CADPS: variants seen among roughly 807,000 people sequenced by gnomAD.
The protein encoded by CADPS is calcium-dependent secretion activator 1.
Under a neutral mutation model 167.3 loss-of-function variants are expected in CADPS, and 57 were observed. That is an observed-to-expected ratio of 0.34 (90% CI 0.28 to 0.42). The LOEUF (loss-of-function observed/expected upper bound fraction) is 0.42. CADPS is among the 20% of genes least tolerant of loss of function. CADPS has a pLI of 1.00. For synonymous variants in CADPS, 676 were observed against 635.3 expected, an observed-to-expected ratio of 1.06 and a Z score of -0.96; for missense variants, 1,414 against 1,738.1, an observed-to-expected ratio of 0.81 and a Z score of 3.32.
intron 28 of CADPS, among the ~76,000 whole-genome samples, chr3:62,418,487 A>ATT (rs5849477): frequency 8.7e-4 from 77 of 88,844 alleles, no homozygotes; most frequent in East Asian, 2.3e-3. Context: ...ACCATGCCCT[A>ATT]TTTTTTTTTT....
intron 1 of CADPS, among the ~76,000 whole-genome samples, chr3:62,836,968 G>T (rs1183175364): frequency 3.3e-5 from 5 of 152,110 alleles, no homozygotes; most frequent in Non-Finnish European, 7.3e-5. Flanking sequence ...TGCCTTGCTT[G>T]CTCAGCCTGA....
At chr3:62,723,279 T>G (rs2076143682) in intron 3 of CADPS, among the ~76,000 whole-genome samples, 1 of 152,164 alleles carries the variant, frequency 6.6e-6, no homozygotes, top group South Asian at 2.1e-4. Flanking sequence ...GTTGTAGGTC[T>G]CCGATGAACG....
At chr3:62,620,232 A>T (rs1168995023) in intron 6 of CADPS, among the ~76,000 whole-genome samples, 1 of 151,950 alleles carries the variant, frequency 6.6e-6, no homozygotes, top group Non-Finnish European at 1.5e-5. Context: ...TCATTTAGGG[A>T]TCTCTTCCAG....
At chr3:62,652,267 C>T (rs2070350922) in intron 4 of CADPS, among the ~76,000 whole-genome samples, 2 of 151,910 alleles carry the variant, frequency 1.3e-5, no homozygotes, top group Admixed American at 1.3e-4. Context: ...ATATTACTGG[C>T]CAATTTCTAT....
intron 6 of CADPS, among the ~76,000 whole-genome samples, chr3:62,640,118 A>C (rs561975860): frequency 9.8e-5 from 15 of 152,342 alleles, no homozygotes; most frequent in African/African-American, 3.6e-4. Flanking sequence ...TAAGGAAAGC[A>C]TCCTGTGTAC....
chr3:62,403,027 GAAAT>G lies in CADPS; in HGVS notation c.3882+50_3882+53del. On this transcript the variant is annotated intron_variant, in intron 29 of 29. Transcript: ENST00000383710. The stretch of plus-strand genomic sequence containing the variant: ...TAAGCAAGCTTTGCAGCTTGCCAGT[GAAAT>G]ATATTTCAGTAAGCTATTTGCAAAG... 4 of 1,149,448 alleles carry G rather than the reference GAAAT, an allele frequency of 3.5e-6. No homozygotes were observed. The South Asian group carries it at 5.3e-5, about 15-fold the overall frequency. The allele number at this position is 1,149,448 out of a possible 1,614,324, so 71.2% of individuals were successfully genotyped here.
At chr3:62,570,584 T>C (rs577624923) in intron 9 of CADPS, among the ~76,000 whole-genome samples, 39 of 152,334 alleles carry the variant, frequency 2.6e-4, no homozygotes, top group African/African-American at 9.1e-4. Flanking sequence ...CTCCCCGACT[T>C]ATCTCACATA....
In CADPS at chr3:62,700,156, A is replaced by T. The variant is rs2367314; in HGVS notation, c.889-37762T>A. ...AGTGGCTTTCAAACTTTTTAGGCTAAGACCTATGGTAAGAAATATATCTTA... is the reference window on the plus strand; with the variant it reads ...AGTGGCTTTCAAACTTTTTAGGCTATGACCTATGGTAAGAAATATATCTTA... On this transcript the variant is annotated intron_variant, in intron 3 of 29. Coordinates refer to ENST00000383710, the MANE Select transcript of CADPS (RefSeq NM_003716.4). 5.3e-5 allele frequency among the ~76,000 whole-genome samples: 8 copies of T among 152,134 alleles called. No homozygotes were observed. The South Asian group carries it at 6.2e-4, about 12-fold the overall frequency.
intron 11 of CADPS, among the ~76,000 whole-genome samples, chr3:62,538,240 T>G (rs1374833521): frequency 6.6e-6 from 1 of 152,060 alleles, no homozygotes; most frequent in African/African-American, 2.4e-5. Context: ...AAACTACATT[T>G]CTTCTTTGAC....
chr3:62,600,603 A>G (rs1225756726), intron 6 of CADPS, among the ~76,000 whole-genome samples: 3 of 152,196 alleles, frequency 2.0e-5, no homozygotes, highest in Admixed American at 6.5e-5. Context: ...TCTATCTCCA[A>G]ATAGTGCTCC....
intron 8 of CADPS, among the ~76,000 whole-genome samples, chr3:62,572,282 G>A (rs1358951395): frequency 1.3e-5 from 2 of 152,030 alleles, no homozygotes; most frequent in Non-Finnish European, 2.9e-5. Flanking sequence ...TTCCTCAGTC[G>A]CCAAGTGCAG....
chr3:62,521,117 G>A (rs2070452777), intron 13 of CADPS, among the ~76,000 whole-genome samples: 1 of 152,186 alleles, frequency 6.6e-6, no homozygotes, highest in Non-Finnish European at 1.5e-5. Context: ...TGCTGATTCA[G>A]TAGAGCTGGG....
At chr3:62,639,989 C>A (rs1314970527) in intron 6 of CADPS, among the ~76,000 whole-genome samples, 2 of 152,158 alleles carry the variant, frequency 1.3e-5, no homozygotes, top group Non-Finnish European at 2.9e-5. Flanking sequence ...TCTGTTGTTA[C>A]CCTTATATAT....
At chr3:62,818,779 T>C (rs988075454) in intron 1 of CADPS, among the ~76,000 whole-genome samples, 2 of 152,176 alleles carry the variant, frequency 1.3e-5, no homozygotes, top group African/African-American at 2.4e-5. Flanking sequence ...ACAGCCAAAA[T>C]GTCCATCAAA....
At chr3:62,631,612 T>C (rs1237380232) in intron 6 of CADPS, among the ~76,000 whole-genome samples, 1 of 152,190 alleles carries the variant, frequency 6.6e-6, no homozygotes, top group Admixed American at 6.5e-5. Flanking sequence ...ACATGAAGTA[T>C]CACTCTGCTG....
chr3:62,862,977 C>T (rs1230466641), intron 1 of CADPS, among the ~76,000 whole-genome samples: 1 of 152,142 alleles, frequency 6.6e-6, no homozygotes, highest in Non-Finnish European at 1.5e-5. Flanking sequence ...TTTAATGAAG[C>T]AATGAGATAA....
In CADPS at chr3:62,802,367, T is replaced by G. The variant is rs866309154; in HGVS notation, c.442-36383A>C. Among the ~76,000 whole-genome samples, 7 of 152,286 alleles carry G rather than the reference T, an allele frequency of 4.6e-5. No individual in the cohort carries two copies. The Middle Eastern group carries it at 0.02, about 444-fold the overall frequency. ...AATGTTGTACTCTTTGCCCGGAATGTTTTCCTTCTTACCACTTTCTTTACC... is the reference window on the plus strand; with the variant it reads ...AATGTTGTACTCTTTGCCCGGAATGGTTTCCTTCTTACCACTTTCTTTACC... On this transcript the variant is annotated intron_variant, in intron 1 of 29. Transcript: ENST00000383710.
chr3:62,481,936 A>G, intron 21 of CADPS, 67 bp from the exon 22 acceptor site: 1 of 1,464,038 alleles, frequency 6.8e-7, no homozygotes, highest in East Asian at 2.3e-5. Flanking sequence ...GCAGAAGCAC[A>G]CGACAATTGT....
At chr3:62,563,169 A>T (rs1045913522) in intron 9 of CADPS, among the ~76,000 whole-genome samples, 4 of 151,080 alleles carry the variant, frequency 2.6e-5, no homozygotes, top group African/African-American at 9.7e-5. Context: ...TTGATATCTG[A>T]TAACCAGACT....
Sources: gnomAD v4.1 joint callset for allele counts (sites outside exome capture counted in the v4.1 genomes callset) on GRCh38, gnomAD v4.1.1 for gene constraint, MANE v1.5 for transcripts, NCBI Gene and HGNC (gene_info 2026-07-23, HGNC 2026-07-21) for gene names.